PARD3: variants seen among roughly 807,000 people sequenced by gnomAD.
The protein encoded by PARD3 is par-3 family cell polarity regulator.
A neutral mutation model predicts 155.4 loss-of-function variants in PARD3; 75 were observed. That is an observed-to-expected ratio of 0.48 (90% CI 0.40 to 0.58). PARD3 has a LOEUF of 0.58. PARD3 is among the 20% of genes least tolerant of loss of function. The pLI is 0.00. For synonymous variants in PARD3, 576 were observed against 610.5 expected (o/e 0.94, Z 0.83); for missense variants, 1,642 against 1,721.7 (o/e 0.95, Z 0.82).
intron 5 of PARD3, among the ~76,000 whole-genome samples, chr10:34,409,606 C>T (rs886977447): frequency 4.6e-5 from 7 of 152,186 alleles, no homozygotes; most frequent in South Asian, 2.1e-4. Flanking sequence ...ACACTGGCAC[C>T]GCTTGTTTTG....
At chr10:34,246,322 C>A (rs2133698919) in intron 22 of PARD3, among the ~76,000 whole-genome samples, 1 of 152,184 alleles carries the variant, frequency 6.6e-6, no homozygotes, top group African/African-American at 2.4e-5. Context: ...GAAAACTAGT[C>A]AAAAATAGGA....
intron 15 of PARD3, chr10:34,346,300 A>G: frequency 1.6e-6 from 2 of 1,242,446 alleles, no homozygotes; most frequent in Non-Finnish European, 2.1e-6. Context: ...GCATTTCAAA[A>G]GGTCACTAGC....
At chr10:34,813,777 A>G (rs1040726522) in intron 1 of PARD3, among the ~76,000 whole-genome samples, 4 of 152,194 alleles carry the variant, frequency 2.6e-5, no homozygotes, top group African/African-American at 4.8e-5. Context: ...GCAGCCCCCA[A>G]GCCCACAGGG....
intron 20 of PARD3, among the ~76,000 whole-genome samples, chr10:34,305,532 C>A (rs751869794): frequency 6.6e-6 from 1 of 152,252 alleles, no homozygotes; most frequent in Non-Finnish European, 1.5e-5. Flanking sequence ...CAGGCGTAGG[C>A]AGACATGAAA....
intron 22 of PARD3, among the ~76,000 whole-genome samples, chr10:34,195,670 T>C (rs1246961268): frequency 6.6e-6 from 1 of 152,026 alleles, no homozygotes; most frequent in Non-Finnish European, 1.5e-5. Flanking sequence ...CCGAGAAGAA[T>C]GAGAAGGGAC....
chr10:34,461,794 T>C (rs2077670919), intron 4 of PARD3, among the ~76,000 whole-genome samples: 2 of 152,184 alleles, frequency 1.3e-5, no homozygotes, highest in Non-Finnish European at 2.9e-5. Flanking sequence ...TATGTAACTT[T>C]AAGGGCACAC....
intron 2 of PARD3, among the ~76,000 whole-genome samples, chr10:34,639,972 A>G (rs2092617453): frequency 6.6e-6 from 1 of 152,228 alleles, no homozygotes. Context: ...ATTAAACACC[A>G]TGTTACATAC....
At chr10:34,331,525 CTT>C (rs1835611658) in intron 18 of PARD3, among the ~76,000 whole-genome samples, 181 bp from the exon 19 acceptor site, 1 of 152,102 alleles carries the variant, frequency 6.6e-6, no homozygotes, top group Non-Finnish European at 1.5e-5. Flanking sequence ...TTTTCCCAAA[CTT>C]ATATTAGATT....
intron 3 of PARD3, among the ~76,000 whole-genome samples, chr10:34,471,743 G>A (rs2078359817): frequency 6.6e-6 from 1 of 152,160 alleles, no homozygotes; most frequent in Non-Finnish European, 1.5e-5. Context: ...GTTTTTAGTA[G>A]AGACGGGGTT....
chr10:34,220,776 C>T (rs1485021065), intron 22 of PARD3, among the ~76,000 whole-genome samples: 3 of 152,156 alleles, frequency 2.0e-5, no homozygotes, highest in Non-Finnish European at 4.4e-5. Flanking sequence ...GACTAATGTG[C>T]TACATATTTC....
intron 21 of PARD3, among the ~76,000 whole-genome samples, chr10:34,277,035 C>G (rs1374343175): frequency 6.6e-6 from 1 of 152,150 alleles, no homozygotes; most frequent in African/African-American, 2.4e-5. Context: ...CAGGATCTTG[C>G]AATCAACTCT....
intron 5 of PARD3, among the ~76,000 whole-genome samples, chr10:34,405,500 T>C (rs759442128): frequency 6.6e-5 from 10 of 152,182 alleles, no homozygotes; most frequent in Non-Finnish European, 1.5e-4. Flanking sequence ...GTAGAATGTC[T>C]TTAGGATGAG....
chr10:34,610,219 A>G (rs12268407), intron 2 of PARD3, among the ~76,000 whole-genome samples: 4,235 of 151,958 alleles, frequency 0.028, 196 homozygotes, highest in African/African-American at 0.096. Flanking sequence ...GAGTCATTAA[A>G]CTCTCCTGAA....
At chr10:34,745,562 C>A (rs749935776) in intron 1 of PARD3, among the ~76,000 whole-genome samples, 18 of 152,136 alleles carry the variant, frequency 1.2e-4, no homozygotes, top group Non-Finnish European at 2.2e-4. Flanking sequence ...ATCTAAGCCT[C>A]CCACTCCAGG....
chr10:34,421,201 T>A (rs1008385766), intron 5 of PARD3, among the ~76,000 whole-genome samples: 1 of 152,022 alleles, frequency 6.6e-6, no homozygotes, highest in East Asian at 1.9e-4. Flanking sequence ...ATGCAAAGTA[T>A]AATTTATCTT....
chr10:34,382,581 G>A lies in PARD3; in HGVS notation c.1358C>T (p.Thr453Ile). The A allele has an allele frequency of 6.2e-7, 1 of 1,610,834 alleles. No homozygotes were observed. Among genetic ancestry groups the A allele is most frequent in the African/African-American group, 1.3e-5 (1 of 74,682 alleles). Residue 453 changes from threonine (T) to isoleucine (I), a missense_variant, in exon 9 of 25, where the codon ACC (threonine) becomes ATC (isoleucine). Around this residue, in one of 3 missense-constraint regions of PARD3, gnomAD observed 1,529 missense variants for 1,587.3 expected, o/e 0.96. Coordinates refer to ENST00000374788, the MANE Select transcript of PARD3 (RefSeq NM_001184785.2). ...FSTTVSSGYN[T>I]KKIGKRLNIQ... is the part of the protein sequence containing the mutation. ...ATTAAGCCTCTTGCCTATTTTTTTGGTGTTATAACCACTGCTTACAGTCGT... is the reference window on the plus strand; with the variant it reads ...ATTAAGCCTCTTGCCTATTTTTTTGATGTTATAACCACTGCTTACAGTCGT...
intron 1 of PARD3, among the ~76,000 whole-genome samples, chr10:34,770,741 A>C (rs1838752294): frequency 4.6e-5 from 7 of 152,226 alleles, no homozygotes; most frequent in Admixed American, 4.6e-4. Flanking sequence ...GGAAAGGCAG[A>C]TAAATTGTAT....
chr10:34,536,929 A>C (rs142515972), intron 2 of PARD3, among the ~76,000 whole-genome samples: 2 of 152,374 alleles, frequency 1.3e-5, no homozygotes, highest in East Asian at 1.9e-4. Flanking sequence ...TAACTGAGCG[A>C]AAGAAAAATT....
At chr10:34,707,818 T>A (rs2094389013) in intron 1 of PARD3, among the ~76,000 whole-genome samples, 1 of 152,212 alleles carries the variant, frequency 6.6e-6, no homozygotes, top group African/African-American at 2.4e-5. Flanking sequence ...TAACGCCACA[T>A]CTTTAGACCA....
Sources: gnomAD v4.1 joint callset for allele counts (sites outside exome capture counted in the v4.1 genomes callset) on GRCh38, gnomAD v4.1.1 for gene constraint, gnomAD v4.1.1 regional missense constraint, MANE v1.5 for transcripts, NCBI Gene and HGNC (gene_info 2026-07-23, HGNC 2026-07-21) for gene names.